The following SEMA3A variants were observed in gnomAD, a reference collection of about 807,000 sequenced individuals.
The protein encoded by SEMA3A is semaphorin-3A.
SEMA3A carries 29 observed loss-of-function variants against 97.9 expected under a neutral mutation model. The observed-to-expected ratio is 0.30, with a 90% CI of 0.22 to 0.40. The LOEUF is 0.40. Among genes scored for constraint, SEMA3A ranks in the 10% least tolerant of loss-of-function variants. The pLI, the probability that SEMA3A is intolerant of heterozygous loss-of-function variation, is 1.00. For synonymous variants in SEMA3A, 321 were observed against 323.7 expected (o/e 0.99, Z 0.09); for missense variants, 763 against 951.3 (o/e 0.80, Z 2.60).
Position 84,009,682 on chromosome 7 carries a change from A to G in SEMA3A, c.995+1340T>C, listed in dbSNP as rs139492661. 6.1e-3 allele frequency among the ~76,000 whole-genome samples: 922 copies of G among 152,250 alleles called. 6 individuals carry two copies. Among genetic ancestry groups the G allele is most frequent in the Middle Eastern group, 0.027 (8 of 294 alleles). ...AACTTTATACTGAATGTAATAGTCT[A>G]GAGGGAAATAATCTCTGCTTAATTG... On this transcript the variant is annotated intron_variant, in intron 9 of 16. Transcript: ENST00000265362.
At chr7:84,318,317 G>GTTT (rs71522699) in intron 2 of SEMA3A, among the ~76,000 whole-genome samples, 1,749 of 97,728 alleles carry the variant, frequency 0.018, 63 homozygotes, top group African/African-American at 0.047. Flanking sequence ...TGATTTCTTG[G>GTTT]TTTTTTTTTT....
chr7:84,020,565 A>G (rs1791291819), intron 6 of SEMA3A, among the ~76,000 whole-genome samples: 1 of 151,954 alleles, frequency 6.6e-6, no homozygotes, highest in Admixed American at 6.6e-5. Flanking sequence ...TCTTAAGTTT[A>G]TAAGTTTCTT....
At chr7:84,235,928 T>C (rs1278752062) in intron 3 of SEMA3A, among the ~76,000 whole-genome samples, 1 of 152,092 alleles carries the variant, frequency 6.6e-6, no homozygotes, top group Non-Finnish European at 1.5e-5. Flanking sequence ...GTGTATTCCT[T>C]TTCACCCTAC....
intron 1 of SEMA3A, among the ~76,000 whole-genome samples, chr7:84,136,910 A>T (rs978160349): frequency 6.6e-6 from 1 of 151,474 alleles, no homozygotes; most frequent in African/African-American, 2.4e-5. Context: ...CACACACACA[A>T]AAAAAAGAAG....
At chr7:84,029,895 C>T (rs2116461215) in intron 6 of SEMA3A, among the ~76,000 whole-genome samples, 1 of 151,450 alleles carries the variant, frequency 6.6e-6, no homozygotes, top group Non-Finnish European at 1.5e-5. Context: ...GACACGAAGA[C>T]AAAACAGATG....
chr7:84,429,562 A>C (rs1488378535), intron 1 of SEMA3A, among the ~76,000 whole-genome samples: 20 of 138,980 alleles, frequency 1.4e-4, no homozygotes, highest in Non-Finnish European at 2.8e-4. Flanking sequence ...AGAGAGAGAG[A>C]GAGAGAGAGA....
chr7:84,218,814 C>T (rs768814966), intron 3 of SEMA3A, among the ~76,000 whole-genome samples: 23 of 151,982 alleles, frequency 1.5e-4, no homozygotes, highest in Non-Finnish European at 2.1e-4. Context: ...TGAAGACATA[C>T]AATATTCTAT....
At chr7:84,363,790 A>G (rs1164333063) in intron 2 of SEMA3A, among the ~76,000 whole-genome samples, 1 of 151,814 alleles carries the variant, frequency 6.6e-6, no homozygotes, top group African/African-American at 2.4e-5. Context: ...TCATAGTGTG[A>G]TCTAGGGAAC....
intron 5 of SEMA3A, among the ~76,000 whole-genome samples, chr7:84,053,734 T>A (rs554037882): frequency 6.7e-6 from 1 of 149,836 alleles, no homozygotes; most frequent in African/African-American, 2.4e-5. Flanking sequence ...TATTGTTATG[T>A]GTGAATTTGA....
chr7:84,406,507 C>A (rs1213096916), intron 1 of SEMA3A, among the ~76,000 whole-genome samples: 1 of 152,118 alleles, frequency 6.6e-6, no homozygotes, highest in Non-Finnish European at 1.5e-5. Flanking sequence ...TGAAACTATT[C>A]CAATCAACAG....
chr7:84,411,567 T>TTTTATATA (rs139877729), intron 1 of SEMA3A, among the ~76,000 whole-genome samples: 1 of 149,176 alleles, frequency 6.7e-6, no homozygotes, highest in African/African-American at 2.5e-5. Flanking sequence ...TTGGGTATAA[T>TTTTATATA]TATATATATA....
At chr7:84,073,863 TA>T (rs57789538) in intron 4 of SEMA3A, among the ~76,000 whole-genome samples, 6,262 of 101,594 alleles carry the variant, frequency 0.062, 196 homozygotes, top group Middle Eastern at 0.16. Context: ...TAAAAAAAGC[TA>T]AAAAAAAAAA....
intron 3 of SEMA3A, among the ~76,000 whole-genome samples, chr7:84,226,308 T>A (rs1023463647): frequency 1.3e-5 from 2 of 151,884 alleles, no homozygotes; most frequent in Non-Finnish European, 2.9e-5. Context: ...TATAAGAAAG[T>A]CTTAAAATAA....
intron 3 of SEMA3A, among the ~76,000 whole-genome samples, chr7:84,235,072 G>A (rs1045986859): frequency 2.0e-5 from 3 of 151,948 alleles, no homozygotes; most frequent in Non-Finnish European, 2.9e-5. Context: ...TAATATATAC[G>A]AAAATGATTT....
chr7:84,057,517 A>G (rs762303480), intron 5 of SEMA3A, among the ~76,000 whole-genome samples: 4 of 152,266 alleles, frequency 2.6e-5, no homozygotes, highest in Non-Finnish European at 5.9e-5. Context: ...CTGTAATCCC[A>G]GCACTTTGGG....
intron 1 of SEMA3A, among the ~76,000 whole-genome samples, chr7:84,470,703 ATC>A (rs1346511119): frequency 6.6e-6 from 1 of 151,952 alleles, no homozygotes; most frequent in Non-Finnish European, 1.5e-5. Flanking sequence ...TTCTCCAATT[ATC>A]TTTTTTTTTT....
rs1385576324 is a variant in SEMA3A at position 83,992,457 on chromosome 7, G to C, written c.1453-6980C>G. 2.7e-5 allele frequency among the ~76,000 whole-genome samples: 4 copies of C among 150,616 alleles called. No individual in the cohort carries two copies. In the East Asian group the frequency reaches 7.9e-4, roughly 30 times the overall value. On this transcript the variant is annotated intron_variant, in intron 12 of 16. Coordinates refer to ENST00000265362, the MANE Select transcript of SEMA3A (RefSeq NM_006080.3). ...TCCTGCTTTCTCTTGTGGGCATTTA[G>C]TGCTATAAATTTCCCTCTACACACT...
chr7:84,360,651 T>G (rs1481510198), intron 2 of SEMA3A, among the ~76,000 whole-genome samples: 1 of 152,086 alleles, frequency 6.6e-6, no homozygotes, highest in Non-Finnish European at 1.5e-5. Context: ...TCAAGACGAG[T>G]GTAGTATACA....
At chr7:84,127,304 C>T (rs1795829215) in intron 3 of SEMA3A, among the ~76,000 whole-genome samples, 2 of 152,042 alleles carry the variant, frequency 1.3e-5, no homozygotes, top group South Asian at 4.2e-4. Flanking sequence ...TCTTATCACC[C>T]TGGCTGCCTT....
Sources: allele counts gnomAD v4.1 joint callset (sites outside exome capture counted in the v4.1 genomes callset), GRCh38; gene constraint gnomAD v4.1.1; transcripts MANE v1.5; gene names NCBI Gene and HGNC (gene_info 2026-07-23, HGNC 2026-07-21).